Variants in KCNQ5 observed in about 807,000 individuals in gnomAD.
KCNQ5 encodes the protein potassium voltage-gated channel subfamily Q member 5, also known as potassium voltage-gated channel subfamily KQT member 5.
KCNQ5 carries 30 observed loss-of-function variants against 98.2 expected under a neutral mutation model. The ratio of observed to expected loss-of-function variants is 0.31; its 90% CI spans 0.23 to 0.41. The LOEUF (loss-of-function observed/expected upper bound fraction) is 0.41. Among genes scored for constraint, KCNQ5 ranks in the 10% least tolerant of loss-of-function variants. The probability of loss-of-function intolerance (pLI) is 1.00; values close to 1 mark genes in which losing one functional copy is unlikely to be tolerated. For missense variants in KCNQ5, 835 were observed against 1,182.5 expected, an observed-to-expected ratio of 0.71 and a Z score of 4.31; for synonymous variants, 458 against 449.4, an observed-to-expected ratio of 1.02 and a Z score of -0.24.
intron 10 of KCNQ5, among the ~76,000 whole-genome samples, chr6:73,140,837 G>A (rs1776675347): frequency 6.6e-6 from 1 of 152,140 alleles, no homozygotes; most frequent in Admixed American, 6.6e-5. Flanking sequence ...ATCCATAGGT[G>A]TCTTTTTTCT....
chr6:72,945,921 A>G (rs1312413256), intron 1 of KCNQ5, among the ~76,000 whole-genome samples: 2 of 152,188 alleles, frequency 1.3e-5, no homozygotes, highest in African/African-American at 4.8e-5. Context: ...TTTAATTCTC[A>G]TAACAACACT....
At position 72,766,561 on chromosome 6, in the gene KCNQ5, A is replaced by G. The variant is rs568364984; in HGVS notation, c.398+143974A>G. 1.4e-4 allele frequency among the ~76,000 whole-genome samples: 22 copies of G among 152,146 alleles called. No homozygotes were observed. In the South Asian group the frequency reaches 4.6e-3, roughly 32 times the overall value. On this transcript the variant is annotated intron_variant, in intron 1 of 13. Transcript: ENST00000370398. ...TGATGGTGGATTGGCCTAGGTTGGTAGCAGTGGAAGTAGTAAGAATTGTTC... is the reference window on the plus strand; with the variant it reads ...TGATGGTGGATTGGCCTAGGTTGGTGGCAGTGGAAGTAGTAAGAATTGTTC...
chr6:72,996,253 G>C (rs763501566), intron 1 of KCNQ5, among the ~76,000 whole-genome samples: 2 of 152,136 alleles, frequency 1.3e-5, no homozygotes, highest in African/African-American at 4.8e-5. Flanking sequence ...TTGTAATGTG[G>C]GTCCCAAATT....
At chr6:73,168,678 C>T (rs1296146400) in intron 10 of KCNQ5, among the ~76,000 whole-genome samples, 1 of 151,602 alleles carries the variant, frequency 6.6e-6, no homozygotes, top group Non-Finnish European at 1.5e-5. Flanking sequence ...CACCACTGCA[C>T]TCCAGCCTGA....
chr6:73,158,260 T>TTTTTGTTG (rs1562211985), intron 10 of KCNQ5: 25 of 168,166 alleles, frequency 1.5e-4, no homozygotes, highest in Non-Finnish European at 2.3e-4. Context: ...GAAGATTTTT[T>TTTTTGTTG]TTTTTTTTTT....
intron 3 of KCNQ5, among the ~76,000 whole-genome samples, chr6:73,062,185 T>A (rs1772810696): frequency 6.6e-6 from 1 of 152,180 alleles, no homozygotes; most frequent in Non-Finnish European, 1.5e-5. Context: ...AGACTGGTTG[T>A]TCATTATGGC....
chr6:72,757,049 G>A (rs142507358), intron 1 of KCNQ5, among the ~76,000 whole-genome samples: 2,188 of 152,038 alleles, frequency 0.014, 45 homozygotes, highest in African/African-American at 0.05. Flanking sequence ...AATATAAAAG[G>A]AAATGTTGAT....
intron 10 of KCNQ5, 94 bp downstream of exon 10, chr6:73,133,735 A>T: frequency 9.1e-7 from 1 of 1,098,426 alleles, no homozygotes; most frequent in Non-Finnish European, 1.3e-6. Flanking sequence ...CACTTGAAGA[A>T]AGAAGAAAAC....
At chr6:73,063,732 TAGATAGATA>T (rs1772925311) in intron 3 of KCNQ5, among the ~76,000 whole-genome samples, 4 of 117,308 alleles carry the variant, frequency 3.4e-5, no homozygotes, top group South Asian at 6.1e-4. Flanking sequence ...GATAGATAGA[TAGATAGATA>T]GATAGATAGA....
chr6:72,929,105 C>T (rs1323141206), intron 1 of KCNQ5, among the ~76,000 whole-genome samples: 1 of 152,128 alleles, frequency 6.6e-6, no homozygotes, highest in Non-Finnish European at 1.5e-5. Flanking sequence ...TGACCCATAA[C>T]AGAGGTTCCT....
chr6:72,902,912 G>A (rs1779565682), intron 1 of KCNQ5, among the ~76,000 whole-genome samples: 1 of 152,060 alleles, frequency 6.6e-6, no homozygotes, highest in Non-Finnish European at 1.5e-5. Flanking sequence ...AACAGGATTG[G>A]TACCAATTAT....
chr6:72,700,559 T>C (rs1309938395), intron 1 of KCNQ5, among the ~76,000 whole-genome samples: 1 of 152,172 alleles, frequency 6.6e-6, no homozygotes, highest in East Asian at 1.9e-4. Flanking sequence ...GTGCCACAAG[T>C]AACTTTTTTC....
intron 1 of KCNQ5, among the ~76,000 whole-genome samples, chr6:72,634,591 AG>A (rs2098922903): frequency 6.6e-6 from 1 of 152,166 alleles, no homozygotes; most frequent in Non-Finnish European, 1.5e-5. Context: ...TTAGAGACAG[AG>A]AGTCACTCTG....
At chr6:73,151,573 G>T (rs1425543163) in intron 10 of KCNQ5, among the ~76,000 whole-genome samples, 2 of 152,048 alleles carry the variant, frequency 1.3e-5, no homozygotes, top group Admixed American at 6.6e-5. Flanking sequence ...GTTCATTGTT[G>T]CTGTTTTCAT....
chr6:72,659,853 T>C (rs1766417970), intron 1 of KCNQ5, among the ~76,000 whole-genome samples: 1 of 152,218 alleles, frequency 6.6e-6, no homozygotes, highest in South Asian at 2.1e-4. Context: ...TTTTGAATTA[T>C]CTTGTCCATT....
At chr6:73,034,179 C>A (rs1036981531) in intron 2 of KCNQ5, among the ~76,000 whole-genome samples, 1 of 151,790 alleles carries the variant, frequency 6.6e-6, no homozygotes, top group Non-Finnish European at 1.5e-5. Context: ...TGACTGATGC[C>A]TTTTTTTTGC....
chr6:73,105,857 A>G (rs1582368642), intron 6 of KCNQ5, among the ~76,000 whole-genome samples: 2 of 152,158 alleles, frequency 1.3e-5, no homozygotes, highest in African/African-American at 4.8e-5. Flanking sequence ...GATTTTTTTA[A>G]TGAGCAGTTT....
At chr6:72,761,150 A>G (rs1364531859) in intron 1 of KCNQ5, among the ~76,000 whole-genome samples, 1 of 152,154 alleles carries the variant, frequency 6.6e-6, no homozygotes, top group Non-Finnish European at 1.5e-5. Flanking sequence ...CTTCACTTTC[A>G]GCTGGAAGAT....
chr6:73,041,563 A>C (rs1771704695), intron 2 of KCNQ5, among the ~76,000 whole-genome samples: 1 of 152,138 alleles, frequency 6.6e-6, no homozygotes. Flanking sequence ...TTGCCATTAT[A>C]TTTCAGGATC....
Sources: gnomAD v4.1 joint callset for allele counts (sites outside exome capture counted in the v4.1 genomes callset) on GRCh38, gnomAD v4.1.1 for gene constraint, MANE v1.5 for transcripts, NCBI Gene and HGNC (gene_info 2026-07-23, HGNC 2026-07-21) for gene names.